SMAD6: variants seen among roughly 807,000 people sequenced by gnomAD.
SMAD6 encodes MAD homolog 6.
Under a neutral mutation model 39.4 loss-of-function variants are expected in SMAD6, and 103 were observed. That is an observed-to-expected ratio of 2.62 (90% CI 2.23 to 3.08). SMAD6 has a LOEUF of 3.08. Ranked by LOEUF, SMAD6 falls within the 30% of genes most tolerant of loss-of-function variation. The probability of loss-of-function intolerance (pLI) is 0.00; values close to 1 mark genes in which losing one functional copy is unlikely to be tolerated. For synonymous variants in SMAD6, 445 were observed against 353.3 expected (o/e 1.26, Z -2.91); for missense variants, 1,104 against 742.9 (o/e 1.49, Z -5.65).
intron 3 of SMAD6, among the ~76,000 whole-genome samples, chr15:66,728,713 A>C (rs7183731): frequency 6.6e-6 from 1 of 151,968 alleles, no homozygotes; most frequent in African/African-American, 2.4e-5. Context: ...CCTCATCCAT[A>C]TTGTTGTTGT....
intron 3 of SMAD6, among the ~76,000 whole-genome samples, chr15:66,730,792 A>G (rs1172011275): frequency 2.0e-5 from 3 of 152,228 alleles, no homozygotes; most frequent in African/African-American, 7.2e-5. Context: ...TGATAGATGA[A>G]AAAACTGAGG....
At chr15:66,750,387 C>T (rs1403701840) in intron 3 of SMAD6, among the ~76,000 whole-genome samples, 1 of 152,164 alleles carries the variant, frequency 6.6e-6, no homozygotes, top group Non-Finnish European at 1.5e-5. Flanking sequence ...TTCCATGTGG[C>T]CAGTGAATGC....
intron 3 of SMAD6, among the ~76,000 whole-genome samples, chr15:66,763,992 G>C (rs909882474): frequency 1.3e-5 from 2 of 152,250 alleles, no homozygotes; most frequent in Non-Finnish European, 1.5e-5. Flanking sequence ...GGCCATCCAC[G>C]GGACTTCCCT....
chr15:66,703,695 C>A lies in SMAD6; in HGVS notation c.437C>A (p.Ala146Asp). Reference sequence around the variant, plus strand: ...CCCCGGGACGCCAGCGACCCCCTGGCCGGGGCGGCCCTGGAGCCGGCGGGC... The same window carrying A: ...CCCCGGGACGCCAGCGACCCCCTGGACGGGGCGGCCCTGGAGCCGGCGGGC... ...GAPRDASDPL[A>D]GAALEPAGGG... Residue 146 changes from alanine (A) to aspartate (D), a missense_variant, in exon 1 of 4, where the codon GCC (alanine) becomes GAC (aspartate). By Grantham distance (126) the Ala-to-Asp change is moderately radical. Transcript: ENST00000288840. The A allele has an allele frequency of 7.9e-7, 1 of 1,264,618 alleles. No individual in the cohort carries two copies. Among genetic ancestry groups the A allele is most frequent in the South Asian group, 3.1e-5 (1 of 32,080 alleles). The allele number at this position is 1,264,618 out of a possible 1,614,324, so 78.3% of individuals were successfully genotyped here.
At chr15:66,775,004 C>T (rs900940619) in intron 3 of SMAD6, among the ~76,000 whole-genome samples, 36 of 152,024 alleles carry the variant, frequency 2.4e-4, no homozygotes, top group African/African-American at 7.0e-4. Context: ...GGGATTAAGG[C>T]GCCCGCCACC....
chr15:66,781,459 G>A lies in SMAD6; in HGVS notation c.1415G>A (p.Trp472Ter), dbSNP rs1371196288. ...NSVRISFAKG[W>*]GPCYSRQFIT... ...GTCCGCATCAGCTTCGCCAAGGGCTGGGGGCCCTGCTACTCCCGGCAGTTC... is the reference window on the plus strand; with the variant it reads ...GTCCGCATCAGCTTCGCCAAGGGCTAGGGGCCCTGCTACTCCCGGCAGTTC... Residue 472 changes from tryptophan to a stop codon, truncating the protein, a stop_gained, in exon 4 of 4, where the codon TGG (tryptophan) becomes TAG (stop). Coordinates refer to ENST00000288840, the MANE Select transcript of SMAD6 (RefSeq NM_005585.5). LOFTEE classifies it high-confidence loss of function. The A allele has an allele frequency of 1.2e-6, 2 of 1,603,684 alleles. No individual in the cohort carries two copies. The highest frequency in any genetic ancestry group is 2.7e-5 in the African/African-American group (2 of 74,648).
Position 66,704,012 on chromosome 15 carries a change from G to T in SMAD6, c.754G>T (p.Ala252Ser). ...KPLCGCHSFAAAADGPTVCCN... is the reference protein window; with the variant it reads ...KPLCGCHSFASAADGPTVCCN... ...CCTGTGCGGCTGCCACAGCTTCGCC[G>T]CCGCCGCCGACGGCCCTACCGTGTG... The change falls in exon 1 of 4, where the codon GCC becomes TCC. Residue 252 changes from alanine to serine, a missense_variant. By Grantham distance (99) the Ala-to-Ser change is moderately conservative (BLOSUM62 1). Coordinates refer to ENST00000288840, the MANE Select transcript of SMAD6 (RefSeq NM_005585.5). The T allele has an allele frequency of 6.7e-7, 1 of 1,498,368 alleles. No homozygotes were observed. Among genetic ancestry groups the T allele is most frequent in the Non-Finnish European group, 8.8e-7 (1 of 1,132,452 alleles). 92.8% of individuals were successfully genotyped at this position (1,498,368 alleles called of 1,614,324 possible). A position where few individuals can be genotyped will look rare whatever the true frequency, so the allele number is the denominator to read the frequency against.
At chr15:66,724,924 G>A (rs143125254) in intron 3 of SMAD6, among the ~76,000 whole-genome samples, 15 of 152,260 alleles carry the variant, frequency 9.9e-5, no homozygotes, top group African/African-American at 3.4e-4. Flanking sequence ...CAGGGGAACC[G>A]GCAGGTTGTC....
Position 66,781,371 on chromosome 15 carries a change from C to T in SMAD6, c.1327C>T (p.Arg443Cys). The T allele has an allele frequency of 6.2e-7, 1 of 1,600,098 alleles. No individual in the cohort carries two copies. Among genetic ancestry groups the T allele is most frequent in the Non-Finnish European group, 8.5e-7 (1 of 1,176,084 alleles). ...CTCCATCAAGGTGTTCGACTTCGAG[C>T]GCTCGGGCCTGCAGCACGCGCCCGA... ...GYSIKVFDFERSGLQHAPEPD... is the reference protein window; with the variant it reads ...GYSIKVFDFECSGLQHAPEPD... Residue 443 changes from arginine (R) to cysteine (C), a missense_variant, in exon 4 of 4, where the codon CGC becomes TGC. By Grantham distance (180) the Arg-to-Cys change is radical (BLOSUM62 -3). Coordinates refer to ENST00000288840, the MANE Select transcript of SMAD6 (RefSeq NM_005585.5).
chr15:66,719,326 C>T (rs561648210), intron 3 of SMAD6, among the ~76,000 whole-genome samples: 59 of 152,318 alleles, frequency 3.9e-4, no homozygotes, highest in African/African-American at 1.3e-3. Context: ...CTGGTGGGCA[C>T]CTGTCCTGAT....
chr15:66,721,538 G>A (rs1893432308), intron 3 of SMAD6, among the ~76,000 whole-genome samples: 1 of 152,200 alleles, frequency 6.6e-6, no homozygotes, highest in Non-Finnish European at 1.5e-5. Context: ...CTGCAATCAA[G>A]CCCTGAGTCG....
In SMAD6 at chr15:66,781,191, AC is replaced by A. The variant is rs1894559406; in HGVS notation, c.1148del (p.Thr383SerfsTer156). ...GCAGCGCAGCGAGTCGGTGCGGCGA[AC>A]GCGCAGCAAGATCGGCTTCGGCATC... is the stretch of plus-strand genomic sequence containing the variant. ...LEQRSESVRRTRSKIGFGILL... is the reference protein window; with the variant it reads ...LEQRSESVRRXRSKIGFGILL... On this transcript the variant is annotated frameshift_variant, in exon 4 of 4. Transcript: ENST00000288840. LOFTEE classifies it high-confidence loss of function. 6.2e-7 allele frequency: 1 copy of A among 1,608,036 alleles called. No individual in the cohort carries two copies. The highest frequency in any genetic ancestry group is 2.2e-5 in the East Asian group (1 of 44,870).
intron 3 of SMAD6, among the ~76,000 whole-genome samples, chr15:66,758,628 T>C (rs1344218243): frequency 6.6e-6 from 1 of 152,018 alleles, no homozygotes; most frequent in Non-Finnish European, 1.5e-5. Flanking sequence ...CTCGGGAGGC[T>C]GAGGCAGGAA....
intron 3 of SMAD6, among the ~76,000 whole-genome samples, chr15:66,726,480 T>C (rs549745371): frequency 9.2e-5 from 14 of 152,324 alleles, no homozygotes; most frequent in Non-Finnish European, 1.6e-4. Flanking sequence ...CTTCCTGTGC[T>C]GTTTGACTGA....
chr15:66,706,319 C>T (rs1227797337), intron 1 of SMAD6: 1 of 152,236 alleles, frequency 6.6e-6, no homozygotes, highest in Admixed American at 6.5e-5. Context: ...CTCCTTCTCC[C>T]AGAAGGAGGC....
At chr15:66,710,172 T>G (rs1435596734) in intron 1 of SMAD6, among the ~76,000 whole-genome samples, 1 of 152,212 alleles carries the variant, frequency 6.6e-6, no homozygotes, top group Non-Finnish European at 1.5e-5. Context: ...AAAATGGGGA[T>G]AATAATGTCA....
chr15:66,759,017 G>A (rs550685924), intron 3 of SMAD6, among the ~76,000 whole-genome samples: 1 of 152,320 alleles, frequency 6.6e-6, no homozygotes, highest in East Asian at 1.9e-4. Flanking sequence ...CACAGTCTCT[G>A]TTGCAACAAT....
chr15:66,776,917 A>G (rs966146879), intron 3 of SMAD6, among the ~76,000 whole-genome samples: 6 of 151,816 alleles, frequency 4.0e-5, no homozygotes, highest in Non-Finnish European at 2.9e-5. Flanking sequence ...TGTGCCTCTA[A>G]TGCCAACTAC....
chr15:66,778,713 T>C (rs186118835), intron 3 of SMAD6, among the ~76,000 whole-genome samples: 3 of 152,268 alleles, frequency 2.0e-5, no homozygotes, highest in East Asian at 3.9e-4. Flanking sequence ...CAGAACTCTA[T>C]CTGGAGTGTG....
Sources: allele counts gnomAD v4.1 joint callset (sites outside exome capture counted in the v4.1 genomes callset), GRCh38; gene constraint gnomAD v4.1.1; transcripts MANE v1.5; gene names NCBI Gene and HGNC (gene_info 2026-07-23, HGNC 2026-07-21).